Variants in TENM2 observed in about 807,000 individuals in gnomAD.
The protein encoded by TENM2 is teneurin-2.
A neutral mutation model predicts 245.2 loss-of-function variants in TENM2; 52 were observed. The ratio of observed to expected loss-of-function variants is 0.21; its 90% confidence interval spans 0.17 to 0.27. TENM2 has a LOEUF of 0.27. TENM2 is among the 10% of genes least tolerant of loss of function. TENM2 has a pLI of 1.00. For synonymous variants in TENM2, 1,363 were observed against 1,438.9 expected (o/e 0.95, Z 1.19); for missense variants, 3,046 against 3,666.8 (o/e 0.83, Z 4.37).
the TENM2 span, among the ~76,000 whole-genome samples, chr5:167,075,057 G>A: frequency 6.6e-6 from 1 of 152,178 alleles, no homozygotes; most frequent in Non-Finnish European, 1.5e-5. Flanking sequence ...CAAGTGGTTA[G>A]GAAATCCATT....
intron 25 of TENM2, among the ~76,000 whole-genome samples, chr5:168,236,530 C>T (rs1045432880): frequency 2.0e-5 from 3 of 152,146 alleles, no homozygotes; most frequent in Non-Finnish European, 2.9e-5. Flanking sequence ...CACTGAGCAG[C>T]GCTTTCTCTG....
At chr5:168,109,019 A>G (rs1461618911) in intron 9 of TENM2, among the ~76,000 whole-genome samples, 3 of 151,960 alleles carry the variant, frequency 2.0e-5, no homozygotes, top group Non-Finnish European at 4.4e-5. Flanking sequence ...GCTCCTTCAA[A>G]CCTTCCATCA....
intron 2 of TENM2, among the ~76,000 whole-genome samples, chr5:167,530,028 T>A (rs1771388081): frequency 6.6e-6 from 1 of 152,210 alleles, no homozygotes; most frequent in Non-Finnish European, 1.5e-5. Flanking sequence ...AAGTCCTTTG[T>A]ACTAAGCAAT....
At chr5:167,362,889 G>T (rs558430823) in intron 1 of TENM2, among the ~76,000 whole-genome samples, 1 of 152,062 alleles carries the variant, frequency 6.6e-6, no homozygotes, top group South Asian at 2.1e-4. Context: ...ATAGTAACAT[G>T]AATAATAATA....
the TENM2 span, among the ~76,000 whole-genome samples, chr5:167,193,970 G>T: frequency 6.6e-6 from 1 of 151,802 alleles, no homozygotes; most frequent in African/African-American, 2.4e-5. Flanking sequence ...CAAAGGCGAG[G>T]CACTTTGCCC....
chr5:168,107,347 A>G (rs113157827), intron 9 of TENM2, among the ~76,000 whole-genome samples: 33 of 152,188 alleles, frequency 2.2e-4, no homozygotes, highest in African/African-American at 7.7e-4. Flanking sequence ...AGTTCTCCCA[A>G]AGCTCTTAGG....
At chr5:167,691,798 G>T (rs369373149) in intron 2 of TENM2, among the ~76,000 whole-genome samples, 1 of 152,280 alleles carries the variant, frequency 6.6e-6, no homozygotes, top group African/African-American at 2.4e-5. Context: ...GGACAAGGGG[G>T]ATCTCGCTGG....
exon 6 of TENM2, chr5:168,047,498 A>T (rs756442998): frequency 1.3e-5 from 20 of 1,551,646 alleles, no homozygotes; most frequent in Non-Finnish European, 8.7e-7. Flanking sequence ...TGGGATAAGG[A>T]CCGGCTTACC....
chr5:167,220,929 C>T, the TENM2 span, among the ~76,000 whole-genome samples: 3 of 151,866 alleles, frequency 2.0e-5, no homozygotes, highest in Non-Finnish European at 4.4e-5. Context: ...TGGGTTCAAG[C>T]GATTCCCCTG....
At chr5:167,432,125 A>C (rs1764292437) in intron 2 of TENM2, among the ~76,000 whole-genome samples, 1 of 151,376 alleles carries the variant, frequency 6.6e-6, no homozygotes, top group African/African-American at 2.4e-5. Context: ...CCCCTGGTCA[A>C]TTACTCACTT....
intron 1 of TENM2, among the ~76,000 whole-genome samples, chr5:167,334,795 G>A (rs1162686076): frequency 6.6e-6 from 1 of 152,144 alleles, no homozygotes; most frequent in Non-Finnish European, 1.5e-5. Flanking sequence ...TTGAAGCTCT[G>A]ATTTGCAAGC....
intron 2 of TENM2, among the ~76,000 whole-genome samples, chr5:167,418,093 G>A (rs2127417267): frequency 6.6e-6 from 1 of 152,286 alleles, no homozygotes; most frequent in Non-Finnish European, 1.5e-5. Context: ...ACTTTGGGAG[G>A]CCAAGGTGGG....
chr5:167,994,386 C>T (rs957126083), intron 5 of TENM2, among the ~76,000 whole-genome samples: 4 of 152,230 alleles, frequency 2.6e-5, no homozygotes, highest in African/African-American at 9.6e-5. Context: ...GGCTCCCACA[C>T]TTCCTTCATC....
At chr5:167,152,376 T>C in the TENM2 span, among the ~76,000 whole-genome samples, 2 of 152,216 alleles carry the variant, frequency 1.3e-5, no homozygotes, top group African/African-American at 4.8e-5. Flanking sequence ...TGAAAGACTT[T>C]ATTTAACAGT....
the TENM2 span, among the ~76,000 whole-genome samples, chr5:167,153,449 A>G: frequency 1.9e-3 from 288 of 152,222 alleles, no homozygotes; most frequent in African/African-American, 6.4e-3. Context: ...AACGTTGAGT[A>G]GACTCAGGAG....
intron 2 of TENM2, among the ~76,000 whole-genome samples, chr5:167,673,975 G>A (rs937956021): frequency 6.6e-6 from 1 of 152,088 alleles, no homozygotes; most frequent in African/African-American, 2.4e-5. Context: ...AACTGAGATA[G>A]CATGGGCTAA....
At chr5:168,114,206 T>C (rs1378937394) in intron 9 of TENM2, among the ~76,000 whole-genome samples, 1 of 152,206 alleles carries the variant, frequency 6.6e-6, no homozygotes, top group East Asian at 1.9e-4. Flanking sequence ...CCATCAATGC[T>C]GAAAGGCCAT....
the TENM2 span, among the ~76,000 whole-genome samples, chr5:167,259,678 G>T: frequency 1.9e-4 from 29 of 151,986 alleles, no homozygotes; most frequent in African/African-American, 6.0e-4. Context: ...AGAAAGAGTG[G>T]CTGTGAGATT....
At chr5:167,400,640 G>T (rs1334968711) in intron 2 of TENM2, among the ~76,000 whole-genome samples, 2 of 152,066 alleles carry the variant, frequency 1.3e-5, no homozygotes, top group African/African-American at 4.8e-5. Flanking sequence ...GACTGGCAGA[G>T]GGAATATAAA....
Sources: gnomAD v4.1 joint callset for allele counts (sites outside exome capture counted in the v4.1 genomes callset) on GRCh38, gnomAD v4.1.1 for gene constraint, MANE v1.5 for transcripts, NCBI Gene and HGNC (gene_info 2026-07-23, HGNC 2026-07-21) for gene names.